HOXA3: variants seen among roughly 807,000 people sequenced by gnomAD.
HOXA3 encodes the protein homeobox protein Hox-A3.
In HOXA3, 8 loss-of-function variants were observed where a neutral mutation model predicts 30.3. The ratio of observed to expected loss-of-function variants is 0.26; its 90% CI spans 0.15 to 0.48. HOXA3 has a LOEUF of 0.48. HOXA3 is among the 20% of genes least tolerant of loss of function. HOXA3 has a pLI of 0.99. For missense variants in HOXA3, 653 were observed against 614.4 expected, an observed-to-expected ratio of 1.06 and a Z score of -0.66; for synonymous variants, 323 against 273.1, an observed-to-expected ratio of 1.18 and a Z score of -1.80.
chr7:27,129,976 C>A, intron 2 of HOXA3: 1 of 953,550 alleles, frequency 1.0e-6, no homozygotes, highest in Middle Eastern at 2.3e-4. Context: ...GCGCACATAC[C>A]CACATCTCAC....
chr7:27,111,978 T>A (rs1784404708), intron 4 of HOXA3, among the ~76,000 whole-genome samples: 1 of 152,262 alleles, frequency 6.6e-6, no homozygotes, highest in Non-Finnish European at 1.5e-5. Flanking sequence ...GATATTTTGT[T>A]ACTTGGCCTA....
chr7:27,119,590 G>A (rs1203150040), intron 4 of HOXA3: 1 of 152,180 alleles, frequency 6.6e-6, no homozygotes, highest in Admixed American at 6.5e-5. Flanking sequence ...TCTGAGGCTA[G>A]TGAGATCCTC....
chr7:27,152,477 C>A lies in HOXA3; in HGVS notation c.-683G>T. The A allele has an allele frequency of 8.6e-7, 1 of 1,169,196 alleles. No individual in the cohort carries two copies. Among genetic ancestry groups the A allele is most frequent in the South Asian group, 1.6e-5 (1 of 61,624 alleles). 72.4% of individuals were successfully genotyped at this position (1,169,196 alleles called of 1,614,324 possible). A position where few individuals can be genotyped will look rare whatever the true frequency, so the allele number is the denominator to read the frequency against. ...CTCCAGCGGGAGCCGCCAGGCCTGG[C>A]CTGGCCGGGGCTTCCCTTCGCTCGC... is the stretch of plus-strand genomic sequence containing the variant. On this transcript the variant is annotated 5_prime_UTR_variant, in exon 1 of 6. Coordinates refer to ENST00000612286, the MANE Select transcript of HOXA3 (RefSeq NM_153631.3).
chr7:27,135,958 T>C (rs1488206763), intron 2 of HOXA3, among the ~76,000 whole-genome samples: 1 of 152,228 alleles, frequency 6.6e-6, no homozygotes, highest in Non-Finnish European at 1.5e-5. Flanking sequence ...GAATTTTCTA[T>C]CCTTTCCTCC....
At chr7:27,134,747 A>G (rs781759797) in intron 2 of HOXA3, among the ~76,000 whole-genome samples, 2 of 152,226 alleles carry the variant, frequency 1.3e-5, no homozygotes, top group Non-Finnish European at 2.9e-5. Context: ...CACCCTGATT[A>G]CTTCCATGAA....
At chr7:27,145,417 G>T (rs1022161289) in intron 1 of HOXA3, 14 of 610,150 alleles carry the variant, frequency 2.3e-5, no homozygotes, top group African/African-American at 2.0e-4. Context: ...AGTGCGCCCC[G>T]CTCCACCGCT....
intron 2 of HOXA3, chr7:27,129,214 T>A (rs1293485307): frequency 1.4e-6 from 2 of 1,429,038 alleles, no homozygotes; most frequent in Admixed American, 1.7e-5. Flanking sequence ...CTGGTTAAGA[T>A]CTCTAGAAGA....
Position 27,108,691 on chromosome 7 carries a change from G to A in HOXA3, c.556C>T (p.Pro186Ser). The change falls in exon 6 of 6, where the codon CCG becomes TCG. Residue 186 changes from proline (P) to serine (S), a missense_variant. Pro to Ser is a moderately conservative substitution (Grantham distance 74). This residue lies in a region of HOXA3 where 320 missense variants were observed against 321.9 expected (regional missense o/e 0.99). Transcript: ENST00000612286. This position sits in a 1 kb window ranked among gnomAD's most constrained non-coding sequence, Gnocchi z 5.0. ...GESCAGDKSP[P>S]GQASSKRART... ...GCGCGCTTGGACGAAGCCTGCCCCG[G>A]CGGGCTCTTGTCGCCAGCGCAGCTT... 2 of 1,606,456 alleles carry A rather than the reference G, an allele frequency of 1.2e-6. No homozygotes were observed. Among genetic ancestry groups the A allele is most frequent in the Non-Finnish European group, 1.7e-6 (2 of 1,174,500 alleles).
intron 1 of HOXA3, chr7:27,145,943 G>C (rs568413914): frequency 6.2e-7 from 1 of 1,601,328 alleles, no homozygotes; most frequent in Non-Finnish European, 8.5e-7. Flanking sequence ...GCCGGGCGCC[G>C]GTAAGCCAGG....
chr7:27,129,231 G>T, intron 2 of HOXA3: 1 of 1,502,078 alleles, frequency 6.7e-7, no homozygotes, highest in Non-Finnish European at 9.3e-7. Context: ...AAGATTATAT[G>T]GAGGAGGGAA....
chr7:27,132,811 C>G (rs752679917), intron 2 of HOXA3, among the ~76,000 whole-genome samples: 1 of 152,094 alleles, frequency 6.6e-6, no homozygotes, highest in Non-Finnish European at 1.5e-5. Context: ...AATCTGAACC[C>G]TATAAGTTTC....
chr7:27,108,065 G>A lies in HOXA3; in HGVS notation c.1182C>T (p.Gly394=), dbSNP rs199532403. The change falls in exon 6 of 6, where the codon GGC becomes GGT. Residue 394 remains glycine (G), a synonymous_variant. Coordinates refer to ENST00000612286, the MANE Select transcript of HOXA3 (RefSeq NM_153631.3). The surrounding 1 kb of genome is among the most constrained non-coding windows in gnomAD (Gnocchi z 5.0). ...GLTHLPHAAS[G]AMDYGGAGPL... is the part of the protein sequence containing the mutation. ...GCCCGGCACCCCCATAGTCCATGGC[G>A]CCCGAGGCAGCGTGGGGGAGGTGAG... is the stretch of plus-strand genomic sequence containing the variant. The A allele has an allele frequency of 1.2e-6, 2 of 1,612,928 alleles. No homozygotes were observed. The highest frequency in any genetic ancestry group is 1.7e-6 in the Non-Finnish European group (2 of 1,179,308).
Position 27,108,389 on chromosome 7 carries a change from G to T in HOXA3, c.858C>A (p.Ser286Arg). The T allele has an allele frequency of 6.3e-7, 1 of 1,597,642 alleles. No homozygotes were observed. The highest frequency in any genetic ancestry group is 8.5e-7 in the Non-Finnish European group (1 of 1,170,068). ...YLNSMHSLVNSVPYEPQSPPP... is the reference protein window; with the variant it reads ...YLNSMHSLVNRVPYEPQSPPP... ...GGGGCGACTGGGGCTCATACGGGAC[G>T]CTGTTGACCAGCGAATGCATAGAGT... The change falls in exon 6 of 6, where the codon AGC (serine) becomes AGA (arginine). Residue 286 changes from serine (S) to arginine (R), a missense_variant. This residue lies in a region of HOXA3 where 330 missense variants were observed against 274.4 expected (regional missense o/e 1.20). Transcript: ENST00000612286. This position sits in a 1 kb window ranked among gnomAD's most constrained non-coding sequence, Gnocchi z 5.0.
chr7:27,131,047 G>A (rs1240904334), intron 2 of HOXA3, among the ~76,000 whole-genome samples: 1 of 152,154 alleles, frequency 6.6e-6, no homozygotes, highest in Non-Finnish European at 1.5e-5. Flanking sequence ...CGGCCCCTGG[G>A]CTGGGGGAGG....
chr7:27,141,842 C>G, intron 1 of HOXA3: 1 of 1,613,854 alleles, frequency 6.2e-7, no homozygotes, highest in Non-Finnish European at 8.5e-7. Flanking sequence ...TACTCAGGGA[C>G]GGAAGGCCCC....
chr7:27,147,058 G>T (rs1261424934), intron 1 of HOXA3: 1 of 554,348 alleles, frequency 1.8e-6, no homozygotes, highest in African/African-American at 1.9e-5. Context: ...TCTCATATAC[G>T]TGCCAGTGCC....
At chr7:27,134,537 T>G (rs1785658344) in intron 2 of HOXA3, among the ~76,000 whole-genome samples, 1 of 152,218 alleles carries the variant, frequency 6.6e-6, no homozygotes, top group African/African-American at 2.4e-5. Flanking sequence ...AAAAGGTTTT[T>G]CCCAAAGAGA....
Position 27,107,151 on chromosome 7 carries a change from ACT to A in HOXA3, c.*762_*763del, listed in dbSNP as rs1784045972. On this transcript the variant is annotated 3_prime_UTR_variant, in exon 6 of 6. Transcript: ENST00000612286. ...TTGCCGGATGTTACAAACCTAAATCACTGTTTTCAAAAGCTGGATCTTCTCTG... is the reference window on the plus strand; with the variant it reads ...TTGCCGGATGTTACAAACCTAAATCAGTTTTCAAAAGCTGGATCTTCTCTG... 6.6e-6 allele frequency: 1 copy of A among 152,208 alleles called. No individual in the cohort carries two copies. Among genetic ancestry groups the A allele is most frequent in the African/African-American group, 2.4e-5 (1 of 41,344 alleles). 9.4% of individuals were successfully genotyped at this position (152,208 alleles called of 1,614,324 possible).
intron 2 of HOXA3, chr7:27,134,266 T>A (rs1036732164): frequency 6.6e-6 from 1 of 152,214 alleles, no homozygotes; most frequent in Non-Finnish European, 1.5e-5. Flanking sequence ...GGGGATAATT[T>A]TCTTGTAGTA....
Sources: gnomAD v4.1 joint callset for allele counts (sites outside exome capture counted in the v4.1 genomes callset) on GRCh38, gnomAD v4.1.1 for gene constraint, gnomAD v4.1.1 regional missense constraint, Gnocchi (gnomAD v3.1) non-coding constraint, MANE v1.5 for transcripts, NCBI Gene and HGNC (gene_info 2026-07-23, HGNC 2026-07-21) for gene names.